SYT17: variants seen among roughly 807,000 people sequenced by gnomAD.
SYT17 encodes the protein synaptotagmin 17.
Under a neutral mutation model 46.7 loss-of-function variants are expected in SYT17, and 22 were observed. The observed-to-expected ratio is 0.47, with a 90% CI of 0.34 to 0.67. SYT17 has a LOEUF of 0.67. Among genes scored for constraint, SYT17 ranks in the 30% least tolerant of loss-of-function variants. The pLI is 0.01. For synonymous variants in SYT17, 251 were observed against 248.4 expected, an observed-to-expected ratio of 1.01 and a Z score of -0.10; for missense variants, 519 against 612.8, an observed-to-expected ratio of 0.85 and a Z score of 1.62.
At chr16:19,188,833 C>T (rs757711186) in intron 5 of SYT17, among the ~76,000 whole-genome samples, 1 of 152,196 alleles carries the variant, frequency 6.6e-6, no homozygotes, top group Non-Finnish European at 1.5e-5. Flanking sequence ...CTGCATTGCT[C>T]TAATCCCTGT....
At chr16:19,191,081 T>C (rs1213627802) in intron 5 of SYT17, among the ~76,000 whole-genome samples, 1 of 152,056 alleles carries the variant, frequency 6.6e-6, no homozygotes, top group Admixed American at 6.6e-5. Context: ...CGGGAACCTT[T>C]CTGAGCATTA....
intron 5 of SYT17, among the ~76,000 whole-genome samples, chr16:19,215,617 A>G (rs1159270920): frequency 6.6e-6 from 1 of 151,954 alleles, no homozygotes; most frequent in African/African-American, 2.4e-5. Context: ...GCATCTCACC[A>G]TGTTTACCAG....
At chr16:19,172,485 C>T (rs1294808248) in intron 1 of SYT17, 45 of 1,471,548 alleles carry the variant, frequency 3.1e-5, no homozygotes, top group South Asian at 2.6e-4. Flanking sequence ...TAACAGCATA[C>T]GGTGCAAATC....
intron 7 of SYT17, among the ~76,000 whole-genome samples, chr16:19,227,929 A>G (rs1488664756): frequency 6.6e-6 from 1 of 152,212 alleles, no homozygotes; most frequent in Non-Finnish European, 1.5e-5. Context: ...TTAATTAACA[A>G]TGAATGTGTT....
At chr16:19,178,500 C>G (rs1013997989) in intron 3 of SYT17, among the ~76,000 whole-genome samples, 3 of 151,862 alleles carry the variant, frequency 2.0e-5, no homozygotes, top group African/African-American at 7.3e-5. Context: ...CCATGTCGGC[C>G]GGGTTGGTCT....
At chr16:19,245,286 A>C (rs571724502) in intron 7 of SYT17, among the ~76,000 whole-genome samples, 1 of 152,294 alleles carries the variant, frequency 6.6e-6, no homozygotes, top group African/African-American at 2.4e-5. Context: ...TGCTACTGGC[A>C]TCTAGTGGGT....
At chr16:19,180,167 T>TTGTTCTAAATTGGGGAA (rs1964488944) in intron 3 of SYT17, 1 of 512,958 alleles carries the variant, frequency 1.9e-6, no homozygotes, top group Non-Finnish European at 3.5e-6. Flanking sequence ...TCTTGACAGA[T>TTGTTCTAAATTGGGGAA]TGTTCTAAAT....
intron 4 of SYT17, among the ~76,000 whole-genome samples, chr16:19,181,745 A>C (rs1231551649): frequency 6.6e-6 from 1 of 151,962 alleles, no homozygotes; most frequent in Non-Finnish European, 1.5e-5. Flanking sequence ...CATGCCTGTA[A>C]TCCCAGCACT....
chr16:19,231,800 CAG>C (rs1282789819), intron 7 of SYT17, among the ~76,000 whole-genome samples: 1 of 152,172 alleles, frequency 6.6e-6, no homozygotes, highest in African/African-American at 2.4e-5. Context: ...ATGTATTCGA[CAG>C]AGAACCAGAC....
rs1300307612 is a variant in SYT17, at chr16:19,183,763, C to T, written c.567C>T (p.His189=). ...CCAAGTACCAGCTGGGCATGCTGCA[C>T]TTCAGCACTCAGTACGACCTGCTGC... ...ILSKYQLGML[H]FSTQYDLLHN... The change falls in exon 5 of 8, where the codon CAC becomes CAT. Residue 189 remains histidine (H), a synonymous_variant. Transcript: ENST00000355377. The surrounding 1 kb of genome is among the most constrained non-coding windows in gnomAD (Gnocchi z 5.6). The T allele has an allele frequency of 7.4e-6, 12 of 1,614,238 alleles. No homozygotes were observed. The highest frequency in any genetic ancestry group is 1.0e-5 in the Non-Finnish European group (12 of 1,180,042).
At chr16:19,177,699 A>G (rs1217405951) in intron 3 of SYT17, among the ~76,000 whole-genome samples, 1 of 152,158 alleles carries the variant, frequency 6.6e-6, no homozygotes, top group Non-Finnish European at 1.5e-5. Flanking sequence ...ATTGTCACAT[A>G]TGCTCATGTC....
intron 7 of SYT17, among the ~76,000 whole-genome samples, chr16:19,244,230 A>G (rs1341365467): frequency 6.6e-6 from 1 of 152,232 alleles, no homozygotes; most frequent in African/African-American, 2.4e-5. Context: ...ATGACTCACT[A>G]CAAAGCTAGA....
At chr16:19,180,094 A>G in intron 3 of SYT17, 1 of 306,502 alleles carries the variant, frequency 3.3e-6, no homozygotes, top group Non-Finnish European at 6.2e-6. Context: ...TGGCGCCCCC[A>G]CGTGGCGACA....
rs1555459738 is a variant in SYT17 at position 19,220,303 on chromosome 16, C to CTTTTTTTTTTTTTTTTT, written c.952-2741_952-2725dup. On this transcript the variant is annotated intron_variant, in intron 5 of 7. Transcript: ENST00000355377. The stretch of plus-strand genomic sequence containing the variant: ...TTCAATGACATTTCTTTCTTTCTTT[C>CTTTTTTTTTTTTTTTTT]TTTTTTTTTTTTTTTTTGAGATGAA... 5.7e-4 allele frequency among the ~76,000 whole-genome samples: 46 copies of CTTTTTTTTTTTTTTTTT among 80,498 alleles called. 3 individuals carry two copies. The highest frequency in any genetic ancestry group is 2.3e-3 in the African/African-American group (45 of 19,866). 52.8% of individuals were successfully genotyped at this position (80,498 alleles called of 152,430 possible).
chr16:19,211,715 T>C (rs1374988156), intron 5 of SYT17, among the ~76,000 whole-genome samples: 1 of 151,412 alleles, frequency 6.6e-6, no homozygotes, highest in Non-Finnish European at 1.5e-5. Flanking sequence ...CCGCTCCACC[T>C]CCCGGGTTCA....
At chr16:19,198,013 G>A (rs1596934640) in intron 5 of SYT17, among the ~76,000 whole-genome samples, 1 of 152,308 alleles carries the variant, frequency 6.6e-6, no homozygotes, top group East Asian at 1.9e-4. Flanking sequence ...TCCACTAGAG[G>A]TGTAGGCTCA....
intron 5 of SYT17, among the ~76,000 whole-genome samples, chr16:19,210,043 ATG>A (rs753473926): frequency 8.6e-5 from 13 of 151,568 alleles, no homozygotes; most frequent in Non-Finnish European, 1.3e-4. Flanking sequence ...CACATGGAAA[ATG>A]TGTGTGTAAT....
chr16:19,177,547 A>G (rs1311143419), intron 3 of SYT17, among the ~76,000 whole-genome samples: 2 of 152,202 alleles, frequency 1.3e-5, no homozygotes, highest in Non-Finnish European at 2.9e-5. Flanking sequence ...GGAAGTAGAA[A>G]TGTCAAGTGT....
chr16:19,237,520 T>C (rs1966865032), intron 7 of SYT17, among the ~76,000 whole-genome samples: 1 of 152,230 alleles, frequency 6.6e-6, no homozygotes, highest in Non-Finnish European at 1.5e-5. Context: ...TCCACGGCAA[T>C]GACCCGACAA....
Sources: gnomAD v4.1 joint callset for allele counts (sites outside exome capture counted in the v4.1 genomes callset) on GRCh38, gnomAD v4.1.1 for gene constraint, Gnocchi (gnomAD v3.1) non-coding constraint, MANE v1.5 for transcripts, NCBI Gene and HGNC (gene_info 2026-07-23, HGNC 2026-07-21) for gene names.